Variants in UEVLD observed in about 807,000 individuals in gnomAD.
UEVLD encodes ubiquitin-conjugating enzyme E2 variant 3.
UEVLD carries 47 observed loss-of-function variants against 58.6 expected under a neutral mutation model. The observed-to-expected ratio is 0.80, with a 90% confidence interval of 0.63 to 1.02. UEVLD has a LOEUF of 1.02. UEVLD is among the 50% of genes least tolerant of loss of function. The pLI, the probability that UEVLD is intolerant of heterozygous loss-of-function variation, is 0.00. For missense variants in UEVLD, 510 were observed against 550.6 expected, an observed-to-expected ratio of 0.93 and a Z score of 0.74; for synonymous variants, 197 against 195.3, an observed-to-expected ratio of 1.01 and a Z score of -0.07.
intron 9 of UEVLD, among the ~76,000 whole-genome samples, chr11:18,542,890 C>CTTTTTTTTTTTTTTTTTTTTTT (rs890676886): frequency 7.9e-6 from 1 of 125,900 alleles, no homozygotes; most frequent in Non-Finnish European, 1.6e-5. Flanking sequence ...CTTTTCTTTT[C>CTTTTTTTTTTTTTTTTTTTTTT]TTTTTTTTTT....
intron 3 of UEVLD, among the ~76,000 whole-genome samples, chr11:18,571,770 C>A (rs1040545874): frequency 6.6e-6 from 1 of 152,130 alleles, no homozygotes; most frequent in Non-Finnish European, 1.5e-5. Flanking sequence ...ACTTCAAGAC[C>A]AGCCTGGGCA....
chr11:18,536,289 T>A (rs1034420746), intron 10 of UEVLD, 117 bp downstream of exon 10: 2 of 901,846 alleles, frequency 2.2e-6, no homozygotes, highest in African/African-American at 3.3e-5. Context: ...ACTTTTGGGT[T>A]TGTCCATATT....
chr11:18,553,715 T>C (rs181423947), intron 7 of UEVLD, among the ~76,000 whole-genome samples: 1 of 152,328 alleles, frequency 6.6e-6, no homozygotes, highest in African/African-American at 2.4e-5. Flanking sequence ...ACAACATGGA[T>C]GTACCTTGAA....
intron 7 of UEVLD, among the ~76,000 whole-genome samples, chr11:18,554,412 T>G (rs1851665817): frequency 7.1e-6 from 1 of 140,444 alleles, no homozygotes; most frequent in Admixed American, 7.4e-5. Context: ...TTTTTTTTTT[T>G]GAGACAGAGT....
At chr11:18,579,874 A>G (rs547532143) in intron 1 of UEVLD, among the ~76,000 whole-genome samples, 1 of 152,310 alleles carries the variant, frequency 6.6e-6, no homozygotes, top group East Asian at 1.9e-4. Context: ...TTAACAAGGT[A>G]CAATACTTAG....
At chr11:18,553,882 C>A (rs754011779) in intron 7 of UEVLD, among the ~76,000 whole-genome samples, 1 of 152,086 alleles carries the variant, frequency 6.6e-6, no homozygotes, top group Non-Finnish European at 1.5e-5. Flanking sequence ...ACAGAGCTTC[C>A]TTTTGGGGTG....
intron 7 of UEVLD, among the ~76,000 whole-genome samples, chr11:18,553,276 C>T (rs916268562): frequency 1.4e-5 from 2 of 146,430 alleles, no homozygotes; most frequent in African/African-American, 2.5e-5. Context: ...CAGTGGGCCA[C>T]GATTGTGCCA....
chr11:18,572,005 G>A (rs1590362404), intron 3 of UEVLD, among the ~76,000 whole-genome samples: 2 of 152,146 alleles, frequency 1.3e-5, no homozygotes, highest in Non-Finnish European at 2.9e-5. Flanking sequence ...GGGAGGCCAA[G>A]GCGGACAGAT....
chr11:18,581,677 CAA>C (rs11443134), intron 1 of UEVLD, among the ~76,000 whole-genome samples: 16 of 99,052 alleles, frequency 1.6e-4, no homozygotes, highest in Admixed American at 2.2e-4. Context: ...GACACTGTCT[CAA>C]AAAAAAAAAA....
intron 9 of UEVLD, 93 bp downstream of exon 9, chr11:18,544,530 A>G: frequency 7.3e-7 from 1 of 1,373,050 alleles, no homozygotes; most frequent in South Asian, 1.4e-5. Context: ...CTGGTCTTGA[A>G]GTCCTGGCTT....
chr11:18,579,768 A>G (rs1853132975), intron 1 of UEVLD, among the ~76,000 whole-genome samples: 3 of 152,212 alleles, frequency 2.0e-5, no homozygotes, highest in Admixed American at 2.0e-4. Flanking sequence ...ATGAAAGAAA[A>G]TAAGTATATT....
At chr11:18,554,789 A>G (rs760515861) in intron 7 of UEVLD, among the ~76,000 whole-genome samples, 1 of 149,956 alleles carries the variant, frequency 6.7e-6, no homozygotes, top group East Asian at 1.9e-4. Context: ...TTTCATGCTC[A>G]TATGTATATA....
intron 9 of UEVLD, among the ~76,000 whole-genome samples, chr11:18,543,245 G>A (rs568628152): frequency 9.2e-5 from 14 of 152,288 alleles, no homozygotes; most frequent in African/African-American, 2.9e-4. Context: ...CATGCTGAGT[G>A]AAGTTAACAG....
intron 1 of UEVLD, among the ~76,000 whole-genome samples, chr11:18,586,561 C>G (rs1033517412): frequency 1.3e-5 from 2 of 152,112 alleles, no homozygotes; most frequent in African/African-American, 4.8e-5. Flanking sequence ...CGTTCTGTCT[C>G]CCAGGCTGGC....
intron 4 of UEVLD, among the ~76,000 whole-genome samples, chr11:18,566,772 G>A (rs11024715): frequency 0.11 from 17,051 of 152,104 alleles, 1,201 homozygotes; most frequent in South Asian, 0.23. Flanking sequence ...TTTAACTGTT[G>A]TAATGCTTTT....
At chr11:18,556,039 A>T (rs2133998734) in intron 7 of UEVLD, among the ~76,000 whole-genome samples, 1 of 152,352 alleles carries the variant, frequency 6.6e-6, no homozygotes, top group East Asian at 1.9e-4. Context: ...CATTCAACAG[A>T]TAATTACTGA....
intron 9 of UEVLD, among the ~76,000 whole-genome samples, chr11:18,538,271 G>A (rs1850897051): frequency 6.6e-6 from 1 of 151,318 alleles, no homozygotes; most frequent in Admixed American, 6.6e-5. Flanking sequence ...GTGTTCTCTT[G>A]CACATATTCT....
intron 5 of UEVLD, 48 bp downstream of exon 5, chr11:18,566,299 C>G: frequency 7.5e-6 from 12 of 1,606,476 alleles, no homozygotes; most frequent in Non-Finnish European, 9.3e-6. Context: ...TAGTGAGAAA[C>G]TGGTAACTCA....
chr11:18,536,286 G>A (rs1483928319), intron 10 of UEVLD, 120 bp downstream of exon 10: 9 of 869,300 alleles, frequency 1.0e-5, no homozygotes, highest in Admixed American at 4.1e-5. Context: ...TATACTTTTG[G>A]GTTTGTCCAT....
Sources: allele counts gnomAD v4.1 joint callset (sites outside exome capture counted in the v4.1 genomes callset), GRCh38; gene constraint gnomAD v4.1.1; transcripts MANE v1.5; gene names NCBI Gene and HGNC (gene_info 2026-07-23, HGNC 2026-07-21).